The following TNNI3K variants were observed in gnomAD, a reference collection of about 807,000 sequenced individuals.
TNNI3K encodes TNNI3 interacting kinase, also known as serine/threonine-protein kinase TNNI3K.
A neutral mutation model predicts 114.5 loss-of-function variants in TNNI3K; 140 were observed. The observed-to-expected ratio is 1.22, with a 90% CI of 1.07 to 1.41. TNNI3K has a LOEUF of 1.41. Among genes scored for constraint, TNNI3K ranks in the 40% most tolerant of loss-of-function variants. The pLI is 0.00. For synonymous variants in TNNI3K, 347 were observed against 347.5 expected (o/e 1.00, Z 0.02); for missense variants, 1,125 against 1,007.6 (o/e 1.12, Z -1.58).
At chr1:74,436,566 TA>T in intron 19 of TNNI3K, 40 bp downstream of exon 19, 1 of 1,563,234 alleles carries the variant, frequency 6.4e-7, no homozygotes. Flanking sequence ...ATAAACCAAT[TA>T]AAATATGTAA....
chr1:74,320,931 T>C (rs935801730), intron 5 of TNNI3K, among the ~76,000 whole-genome samples: 14 of 152,160 alleles, frequency 9.2e-5, no homozygotes, highest in Non-Finnish European at 2.1e-4. Context: ...GATGCTACTT[T>C]CATTCCTCTG....
At chr1:74,514,465 T>A (rs1646319459) in intron 23 of TNNI3K, among the ~76,000 whole-genome samples, 1 of 152,236 alleles carries the variant, frequency 6.6e-6, no homozygotes, top group Non-Finnish European at 1.5e-5. Context: ...TGTTCTCTAC[T>A]ATCTAACAAT....
chr1:74,248,847 C>T (rs1179459369), intron 2 of TNNI3K, among the ~76,000 whole-genome samples: 1 of 152,082 alleles, frequency 6.6e-6, no homozygotes, highest in Non-Finnish European at 1.5e-5. Context: ...TCTGAAGGCT[C>T]TTATGTCTTG....
chr1:74,354,506 G>C (rs566894739), intron 11 of TNNI3K, among the ~76,000 whole-genome samples: 104 of 151,862 alleles, frequency 6.8e-4, no homozygotes, highest in African/African-American at 2.5e-3. Flanking sequence ...ACAAGGGGGG[G>C]GGAAAGAAAT....
chr1:74,504,185 G>A (rs1474660487), intron 23 of TNNI3K, among the ~76,000 whole-genome samples: 1 of 152,184 alleles, frequency 6.6e-6, no homozygotes, highest in African/African-American at 2.4e-5. Flanking sequence ...CATGCTTCTG[G>A]TATCTTACAA....
rs547526233 is a variant in TNNI3K at position 74,434,310 on chromosome 1, A to G, written c.1773-1770A>G. ...ATTTTTAGTATAATTCCTATTGCAT[A>G]CTACACACACTCCCAACTCTTGCCC... On this transcript the variant is annotated intron_variant, in intron 17 of 24. Coordinates refer to ENST00000326637, the MANE Select transcript of TNNI3K (RefSeq NM_015978.3). 2.0e-5 allele frequency among the ~76,000 whole-genome samples: 3 copies of G among 152,078 alleles called. No homozygotes were observed. The South Asian group carries it at 6.2e-4, about 32-fold the overall frequency.
intron 23 of TNNI3K, among the ~76,000 whole-genome samples, chr1:74,521,026 C>T (rs1296747846): frequency 6.6e-6 from 1 of 152,162 alleles, no homozygotes; most frequent in African/African-American, 2.4e-5. Context: ...ACCTTCTCTG[C>T]TCTGGTTGCC....
chr1:74,331,385 A>G, intron 5 of TNNI3K, 65 bp from the exon 6 acceptor site: 1 of 1,528,120 alleles, frequency 6.5e-7, no homozygotes, highest in East Asian at 2.3e-5. Flanking sequence ...TGGTGGTTGT[A>G]AACTGAATCT....
intron 21 of TNNI3K, chr1:74,470,939 TC>T: frequency 2.5e-6 from 1 of 400,720 alleles, no homozygotes; most frequent in East Asian, 3.6e-5. Context: ...TCAGTAGCCC[TC>T]CTGGAATGTT....
chr1:74,321,293 A>G (rs913027943), intron 5 of TNNI3K, among the ~76,000 whole-genome samples: 1 of 152,150 alleles, frequency 6.6e-6, no homozygotes, highest in African/African-American at 2.4e-5. Context: ...TTCTTTTCTT[A>G]CAAATATCTC....
intron 20 of TNNI3K, among the ~76,000 whole-genome samples, chr1:74,446,478 C>A (rs1666686936): frequency 6.7e-6 from 1 of 148,368 alleles, no homozygotes. Context: ...AATTTTCTCC[C>A]ATTTTGTAGG....
At chr1:74,476,693 G>A (rs774715039) in intron 21 of TNNI3K, among the ~76,000 whole-genome samples, 4 of 152,094 alleles carry the variant, frequency 2.6e-5, no homozygotes, top group Non-Finnish European at 4.4e-5. Context: ...AGTACAGATT[G>A]AATAAAGAGA....
intron 5 of TNNI3K, among the ~76,000 whole-genome samples, chr1:74,290,947 C>T (rs1002913723): frequency 1.3e-5 from 2 of 151,722 alleles, no homozygotes; most frequent in Non-Finnish European, 3.0e-5. Context: ...CAGCAGACAG[C>T]TTCTAAGTGT....
intron 17 of TNNI3K, among the ~76,000 whole-genome samples, chr1:74,420,573 T>C (rs1665345564): frequency 6.6e-6 from 1 of 152,148 alleles, no homozygotes; most frequent in Admixed American, 6.6e-5. Context: ...ACTTTTACTT[T>C]ATCAGGAGAG....
intron 5 of TNNI3K, 119 bp from the exon 6 acceptor site, chr1:74,331,331 A>C: frequency 1.0e-6 from 1 of 960,926 alleles, no homozygotes; most frequent in Non-Finnish European, 1.5e-6. Flanking sequence ...TGGATGGAAG[A>C]AAGTTGTGTT....
At chr1:74,383,351 T>C (rs2100552655) in intron 17 of TNNI3K, among the ~76,000 whole-genome samples, 1 of 152,200 alleles carries the variant, frequency 6.6e-6, no homozygotes, top group East Asian at 1.9e-4. Flanking sequence ...GAACTGCCTC[T>C]ATAGCCTTCA....
At chr1:74,273,745 G>C (rs1019488105) in intron 5 of TNNI3K, among the ~76,000 whole-genome samples, 4 of 151,710 alleles carry the variant, frequency 2.6e-5, no homozygotes, top group African/African-American at 9.7e-5. Context: ...AATTCTTCAT[G>C]GGTTTTCTAA....
chr1:74,286,325 A>G (rs1657332424), intron 5 of TNNI3K, among the ~76,000 whole-genome samples: 1 of 152,016 alleles, frequency 6.6e-6, no homozygotes, highest in African/African-American at 2.4e-5. Context: ...TGTCGCTGCC[A>G]AACTAGCCCC....
chr1:74,425,563 CTCCAGTG>C (rs1400652524), intron 17 of TNNI3K, among the ~76,000 whole-genome samples: 1 of 152,018 alleles, frequency 6.6e-6, no homozygotes, highest in Non-Finnish European at 1.5e-5. Flanking sequence ...CCCTTTACTC[CTCCAGTG>C]TCAGGAATAC....
Sources: allele counts gnomAD v4.1 joint callset (sites outside exome capture counted in the v4.1 genomes callset), GRCh38; gene constraint gnomAD v4.1.1; transcripts MANE v1.5; gene names NCBI Gene and HGNC (gene_info 2026-07-23, HGNC 2026-07-21).